IBTK: variants seen among roughly 807,000 people sequenced by gnomAD.
IBTK encodes the protein inhibitor of Bruton tyrosine kinase.
IBTK carries 83 observed loss-of-function variants against 154.9 expected under a neutral mutation model. The observed-to-expected ratio is 0.54, with a 90% confidence interval of 0.45 to 0.64. IBTK has a LOEUF of 0.64. Ranked by LOEUF, IBTK falls within the 30% of genes least tolerant of loss-of-function variation. The probability of loss-of-function intolerance (pLI) is 0.00; values close to 1 mark genes in which losing one functional copy is unlikely to be tolerated. For synonymous variants in IBTK, 515 were observed against 536.1 expected (o/e 0.96, Z 0.54); for missense variants, 1,332 against 1,584.6 (o/e 0.84, Z 2.71).
rs141043970 is a variant in IBTK at position 82,171,529 on chromosome 6, A to C, written c.3958T>G (p.Leu1320Val). 2 of 1,609,064 alleles carry C rather than the reference A, an allele frequency of 1.2e-6. No individual in the cohort carries two copies. Among genetic ancestry groups the C allele is most frequent in the African/African-American group, 1.3e-5 (1 of 74,964 alleles). ...TTGCCAAATGCCTCATAGAAAACCA[A>C]TAAATCTTGTATGGCATGCTCCTCA... ...QIEEHAIQDLLVFYEAFGNPE... is the reference protein window; with the variant it reads ...QIEEHAIQDLVVFYEAFGNPE... Residue 1320 changes from leucine (L) to valine (V), a missense_variant, in exon 29 of 29, where the codon TTG becomes GTG. Leu to Val is a conservative substitution (Grantham distance 32, BLOSUM62 1). Coordinates refer to ENST00000306270, the MANE Select transcript of IBTK (RefSeq NM_015525.4).
rs1175371365 is a variant in IBTK, at chr6:82,225,574, A to G, written c.728T>C (p.Val243Ala). ...ATAAACACATCCATCTTCAGTTAAT[A>G]CAACAGTATGATCCTTAGCAGCTGC... ...QVAAAKDHTV[V>A]LTEDGCVYTF... The change falls in exon 6 of 29, where the codon GTA (valine) becomes GCA (alanine). Residue 243 changes from valine to alanine, a missense_variant. Physicochemically the swap from Val to Ala is moderately conservative, Grantham distance 64. Coordinates refer to ENST00000306270, the MANE Select transcript of IBTK (RefSeq NM_015525.4). 6.2e-7 allele frequency: 1 copy of G among 1,613,528 alleles called. No homozygotes were observed. The highest frequency in any genetic ancestry group is 8.5e-7 in the Non-Finnish European group (1 of 1,179,532).
In IBTK at chr6:82,216,255, T is replaced by TAA; in HGVS notation, c.1427-7_1427-6dup. ...TGTGAAGGTTTGATAAAATCTCTGTTAAAAAAAAATAAACTACCATTAATC... is the reference window on the plus strand; with the variant it reads ...TGTGAAGGTTTGATAAAATCTCTGTTAAAAAAAAAAATAAACTACCATTAATC... On this transcript the variant is annotated splice_region_variant and splice_polypyrimidine_tract_variant and intron_variant, in intron 10 of 28. Transcript: ENST00000306270. The TAA allele has an allele frequency of 6.6e-7, 1 of 1,525,988 alleles. No individual in the cohort carries two copies. Among genetic ancestry groups the TAA allele is most frequent in the Non-Finnish European group, 8.9e-7 (1 of 1,126,802 alleles). The allele number at this position is 1,525,988 out of a possible 1,614,324, so 94.5% of individuals were successfully genotyped here. A position where few individuals can be genotyped will look rare whatever the true frequency, so the allele number is the denominator to read the frequency against.
At chr6:82,241,510 A>G (rs1770951519) in intron 1 of IBTK, among the ~76,000 whole-genome samples, 1 of 152,248 alleles carries the variant, frequency 6.6e-6, no homozygotes, top group South Asian at 2.1e-4. Context: ...TATCTTTAAA[A>G]AACAACTTTA....
chr6:82,217,312 A>T (rs1769908514), intron 10 of IBTK, among the ~76,000 whole-genome samples: 1 of 152,142 alleles, frequency 6.6e-6, no homozygotes, highest in Admixed American at 6.5e-5. Context: ...TAGTCTTATG[A>T]GGCTTTACTA....
intron 16 of IBTK, chr6:82,210,556 T>C (rs1396605240): frequency 6.0e-6 from 1 of 167,162 alleles, no homozygotes; most frequent in East Asian, 1.6e-4. Context: ...CCAGGCATAG[T>C]GGCTCACGCT....
chr6:82,221,692 A>G (rs957750349), intron 8 of IBTK, among the ~76,000 whole-genome samples: 1 of 152,248 alleles, frequency 6.6e-6, no homozygotes, highest in African/African-American at 2.4e-5. Context: ...ACTCTTGGAT[A>G]TAACATATTT....
rs749248178 is a variant in IBTK at position 82,201,425 on chromosome 6, T to C, written c.2787A>G (p.Lys929=). The C allele has an allele frequency of 6.2e-7, 1 of 1,607,518 alleles. No individual in the cohort carries two copies. The highest frequency in any genetic ancestry group is 2.2e-5 in the East Asian group (1 of 44,576). ...AATCTTAAAACATAAACCTTACCAT[T>C]TTCCGGTAAAACTCAGAAAGATCCT... ...VLKDLSEFYR[K]MIPAMDRRVI... The change falls in exon 19 of 29, where the codon AAA becomes AAG. Residue 929 remains lysine, a synonymous_variant. Coordinates refer to ENST00000306270, the MANE Select transcript of IBTK (RefSeq NM_015525.4).
Position 82,171,452 on chromosome 6 carries a change from T to A in IBTK, c.4035A>T (p.Val1345=). Residue 1345 remains valine, a synonymous_variant, in exon 29 of 29, where the codon GTA becomes GTT. Coordinates refer to ENST00000306270, the MANE Select transcript of IBTK (RefSeq NM_015525.4). The part of the protein sequence containing the change: ...VERTPQGPLA[V]PMWNKHGC ...AGCATCCATGCTTATTCCACATAGG[T>A]ACTGCCAGTGGTCCCTGCGGTGTCC... 1.2e-6 allele frequency: 2 copies of A among 1,613,182 alleles called. No individual in the cohort carries two copies. The highest frequency in any genetic ancestry group is 1.7e-6 in the Non-Finnish European group (2 of 1,179,556).
intron 25 of IBTK, among the ~76,000 whole-genome samples, chr6:82,186,217 C>T (rs1768550563): frequency 6.6e-6 from 1 of 152,082 alleles, no homozygotes; most frequent in African/African-American, 2.4e-5. Flanking sequence ...TAAGAAACAA[C>T]AATATTGAAA....
intron 3 of IBTK, 51 bp from the exon 4 acceptor site, chr6:82,231,893 A>G: frequency 9.3e-7 from 1 of 1,080,090 alleles, no homozygotes; most frequent in South Asian, 1.6e-5. Flanking sequence ...AACACATATA[A>G]GAACTAATTT....
In IBTK at chr6:82,237,661, G is replaced by GTAGTAGTAGTA. The variant is rs1554188041; in HGVS notation, c.321+2504_321+2505insTACTACTACTA. Among the ~76,000 whole-genome samples the GTAGTAGTAGTA allele has an allele frequency of 4.1e-3, 583 of 143,676 alleles. 5 individuals carry two copies. Among genetic ancestry groups the GTAGTAGTAGTA allele is most frequent in the Middle Eastern group, 0.011 (3 of 272 alleles). The allele number at this position is 143,676 out of a possible 152,430, so 94.3% of individuals were successfully genotyped here. A position where few individuals can be genotyped will look rare whatever the true frequency, so the allele number is the denominator to read the frequency against. The stretch of plus-strand genomic sequence containing the variant: ...AGTAGTAGTAGTAGAAGATAGTAGT[G>GTAGTAGTAGTA]GTAGTAGTAGTAGTAGTAGTAGTAG... On this transcript the variant is annotated intron_variant, in intron 2 of 28. Transcript: ENST00000306270.
chr6:82,214,847 A>G lies in IBTK; in HGVS notation c.1602-18T>C. The G allele has an allele frequency of 6.6e-7, 1 of 1,526,706 alleles. No homozygotes were observed. Among genetic ancestry groups the G allele is most frequent in the Non-Finnish European group, 8.8e-7 (1 of 1,137,426 alleles). The allele number at this position is 1,526,706 out of a possible 1,614,324, so 94.6% of individuals were successfully genotyped here. A position where few individuals can be genotyped will look rare whatever the true frequency, so the allele number is the denominator to read the frequency against. The stretch of plus-strand genomic sequence containing the variant: ...CATAAAGGCTAGAAAGAAGACAAAA[A>G]CAAATTATGCTTCAAAAAATATGAA... On this transcript the variant is annotated intron_variant, in intron 11 of 28. Coordinates refer to ENST00000306270, the MANE Select transcript of IBTK (RefSeq NM_015525.4).
chr6:82,226,024 T>C (rs74502301), intron 5 of IBTK, among the ~76,000 whole-genome samples: 16 of 152,120 alleles, frequency 1.1e-4, no homozygotes, highest in Non-Finnish European at 1.9e-4. Flanking sequence ...TAGCCAAACA[T>C]ATAGTATCAT....
At chr6:82,224,314 G>A in intron 6 of IBTK, 129 bp from the exon 7 acceptor site, 1 of 676,352 alleles carries the variant, frequency 1.5e-6, no homozygotes, top group Non-Finnish European at 2.6e-6. Context: ...GCAATTGGCA[G>A]TTGTCACTAA....
intron 26 of IBTK, among the ~76,000 whole-genome samples, chr6:82,179,003 G>A (rs931510726): frequency 6.6e-6 from 1 of 152,234 alleles, no homozygotes; most frequent in Non-Finnish European, 1.5e-5. Context: ...CTTAAAAGCA[G>A]TAAACTCCAA....
intron 11 of IBTK, 67 bp downstream of exon 11, chr6:82,216,009 T>A: frequency 8.5e-7 from 1 of 1,179,854 alleles, no homozygotes; most frequent in Non-Finnish European, 1.2e-6. Flanking sequence ...CACCAGCAGC[T>A]ACTGAAAACA....
In IBTK at chr6:82,220,687, A is replaced by G. The variant is rs1770063503; in HGVS notation, c.1151T>C (p.Val384Ala). Reference sequence around the variant, plus strand: ...CTTGTATTCCATATGACCCCCAGACACAAGAACTTTTTTCAAGTTCAACTG... The same window carrying G: ...CTTGTATTCCATATGACCCCCAGACGCAAGAACTTTTTTCAAGTTCAACTG... ...SKQLNLKKVL[V>A]SGGHMEYKVD... is the part of the protein sequence containing the mutation. Residue 384 changes from valine to alanine, a missense_variant, in exon 9 of 29, where the codon GTG becomes GCG. Val to Ala is a moderately conservative substitution (Grantham distance 64). Around this residue, in one of 3 missense-constraint regions of IBTK, gnomAD observed 1,134 missense variants for 1,274.7 expected, o/e 0.89. Coordinates refer to ENST00000306270, the MANE Select transcript of IBTK (RefSeq NM_015525.4). The G allele has an allele frequency of 1.9e-6, 3 of 1,597,620 alleles. No homozygotes were observed. The highest frequency in any genetic ancestry group is 2.6e-6 in the Non-Finnish European group (3 of 1,175,072).
intron 26 of IBTK, among the ~76,000 whole-genome samples, chr6:82,173,963 T>C (rs941124252): frequency 2.2e-4 from 33 of 151,988 alleles, no homozygotes; most frequent in African/African-American, 8.0e-4. Flanking sequence ...GCCTCATGGA[T>C]GGAATGAACT....
intron 22 of IBTK, 95 bp downstream of exon 22, chr6:82,196,203 T>C: frequency 9.4e-7 from 1 of 1,060,212 alleles, no homozygotes; most frequent in Non-Finnish European, 1.3e-6. Flanking sequence ...CTGGAAACTG[T>C]TTTAAAATTA....
Sources: gnomAD v4.1 joint callset for allele counts (sites outside exome capture counted in the v4.1 genomes callset) on GRCh38, gnomAD v4.1.1 for gene constraint, gnomAD v4.1.1 regional missense constraint, MANE v1.5 for transcripts, NCBI Gene and HGNC (gene_info 2026-07-23, HGNC 2026-07-21) for gene names.